Variants in REXO1 observed in about 807,000 individuals in gnomAD.
The protein encoded by REXO1 is RNA exonuclease 1 homolog, also known as REX1, RNA exonuclease 1 homolog.
A neutral mutation model predicts 102.6 loss-of-function variants in REXO1; 42 were observed. The observed-to-expected ratio is 0.41, with a 90% CI of 0.32 to 0.53. REXO1 has a LOEUF of 0.53. Ranked by LOEUF, REXO1 falls within the 20% of genes least tolerant of loss-of-function variation. The pLI, the probability that REXO1 is intolerant of heterozygous loss-of-function variation, is 0.27. For synonymous variants in REXO1, 908 were observed against 779.1 expected (o/e 1.17, Z -2.76); for missense variants, 1,819 against 1,732.5 (o/e 1.05, Z -0.89).
At chr19:1,828,967 C>G (rs1599149117) in intron 1 of REXO1, among the ~76,000 whole-genome samples, 1 of 152,360 alleles carries the variant, frequency 6.6e-6, no homozygotes, top group East Asian at 1.9e-4. Flanking sequence ...GGCTGGAACT[C>G]CCCGGGGCAG....
rs1420058673 is a variant in REXO1, at chr19:1,827,735, G to A, written c.1054C>T (p.Pro352Ser). The A allele has an allele frequency of 2.5e-6, 4 of 1,570,246 alleles. No homozygotes were observed. The highest frequency in any genetic ancestry group is 1.9e-5 in the Admixed American group (1 of 51,388). ...VQCDVGDLQP[P>S]PAKPASPAQV... The stretch of plus-strand genomic sequence containing the variant: ...GCTGGGGAGGCGGGCTTGGCTGGGG[G>A]CGGCTGGAGGTCCCCCACGTCGCAC... Residue 352 changes from proline to serine, a missense_variant, in exon 2 of 16, where the codon CCC becomes TCC. Pro to Ser is a moderately conservative substitution (Grantham distance 74, BLOSUM62 -1). Coordinates refer to ENST00000170168, the MANE Select transcript of REXO1 (RefSeq NM_020695.4).
At position 1,819,035 on chromosome 19, in the gene REXO1, C is replaced by A. The variant is rs142515155; in HGVS notation, c.2747G>T (p.Arg916Leu). 2 of 1,601,418 alleles carry A rather than the reference C, an allele frequency of 1.2e-6. No individual in the cohort carries two copies. Among genetic ancestry groups the A allele is most frequent in the Non-Finnish European group, 1.7e-6 (2 of 1,173,332 alleles). Residue 916 changes from arginine (R) to leucine (L), a missense_variant, in exon 8 of 16, where the codon CGG (arginine) becomes CTG (leucine). Coordinates refer to ENST00000170168, the MANE Select transcript of REXO1 (RefSeq NM_020695.4). ...GGCCTTACCTTTCAGGTCCTCCACC[C>A]GGGGGCTGCTTGGACGGCTGAGCGA... ...SFSLSRPSSP[R>L]VEDLKGAALY...
At position 1,827,337 on chromosome 19, in the gene REXO1, G is replaced by A. The variant is rs373245469; in HGVS notation, c.1452C>T (p.Ser484=). The change falls in exon 2 of 16, where the codon AGC becomes AGT. Residue 484 remains serine, a synonymous_variant. Transcript: ENST00000170168. The part of the protein sequence containing the change: ...PRPLQLPDRK[S]TKAPSGKLVE... ...CTAGCTTCCCCGACGGGGCCTTGGT[G>A]CTCTTCCTGTCGGGCAGCTGGAGGG... is the stretch of plus-strand genomic sequence containing the variant. The A allele has an allele frequency of 1.0e-3, 1,632 of 1,554,584 alleles. 2 individuals are homozygous for A. Among genetic ancestry groups the A allele is most frequent in the Non-Finnish European group, 1.3e-3 (1,551 of 1,154,604 alleles).
rs752059580 is a variant in REXO1 at position 1,825,872 on chromosome 19, C to T, written c.1983G>A (p.Arg661=). The T allele has an allele frequency of 5.0e-6, 8 of 1,613,730 alleles. No homozygotes were observed. The African/African-American group carries it at 6.7e-5, about 13-fold the overall frequency. ...CTTGCTTGGAAAGGTGGGAGATCCTCCTCTTCTGCCCGGGGAACAGAGTGG... is the reference window on the plus strand; with the variant it reads ...CTTGCTTGGAAAGGTGGGAGATCCTTCTCTTCTGCCCGGGGAACAGAGTGG... ...GLTTLFPGQK[R]RISHLSKQGQ... The change falls in exon 3 of 16, where the codon AGG becomes AGA. Residue 661 remains arginine (R), a synonymous_variant. Transcript: ENST00000170168.
intron 5 of REXO1, 116 bp downstream of exon 5, chr19:1,821,403 T>G (rs565083731): frequency 1.7e-6 from 2 of 1,181,696 alleles, no homozygotes; most frequent in East Asian, 2.4e-5. Flanking sequence ...TACTGCGGTG[T>G]GGAGCACGAA....
intron 7 of REXO1, among the ~76,000 whole-genome samples, chr19:1,819,691 G>A (rs1420345436): frequency 1.3e-5 from 2 of 152,200 alleles, no homozygotes; most frequent in Admixed American, 6.5e-5. Context: ...GCGGCCCCTC[G>A]GCTCGGCTTG....
At chr19:1,831,619 G>A (rs972709216) in intron 1 of REXO1, among the ~76,000 whole-genome samples, 9 of 151,724 alleles carry the variant, frequency 5.9e-5, no homozygotes, top group African/African-American at 1.7e-4. Context: ...GAGGCGGGCG[G>A]ATCACCTGAG....
chr19:1,843,355 C>T (rs576677940), intron 1 of REXO1, among the ~76,000 whole-genome samples: 3 of 152,278 alleles, frequency 2.0e-5, no homozygotes, highest in East Asian at 3.9e-4. Flanking sequence ...GGCCCAGAGC[C>T]GCAGCTGGAC....
At chr19:1,818,981 C>G in intron 8 of REXO1, 37 bp downstream of exon 8, 1 of 1,577,202 alleles carries the variant, frequency 6.3e-7, no homozygotes, top group Non-Finnish European at 8.6e-7. Context: ...CAGAGGCCCA[C>G]GAAGCACCGT....
At chr19:1,845,821 C>T (rs868734213) in intron 1 of REXO1, among the ~76,000 whole-genome samples, 3 of 152,194 alleles carry the variant, frequency 2.0e-5, no homozygotes, top group Middle Eastern at 3.2e-3. Context: ...GTTCCCGTCG[C>T]AGCTCCGCCA....
At chr19:1,821,400 G>A (rs2069535175) in intron 5 of REXO1, 119 bp downstream of exon 5, 4 of 1,166,518 alleles carry the variant, frequency 3.4e-6, no homozygotes, top group African/African-American at 1.6e-5. Flanking sequence ...CTGTACTGCG[G>A]TGTGGAGCAC....
At chr19:1,820,133 G>A in intron 6 of REXO1, 76 bp from the exon 7 acceptor site, 1 of 1,568,092 alleles carries the variant, frequency 6.4e-7, no homozygotes, top group South Asian at 1.2e-5. Context: ...GTCGCCATGG[G>A]GTCGGGGACT....
chr19:1,827,322 C>G lies in REXO1; in HGVS notation c.1467G>C (p.Ser489=), dbSNP rs61746700. 56 of 1,558,532 alleles carry G rather than the reference C, an allele frequency of 3.6e-5. No homozygotes were observed. The highest frequency in any genetic ancestry group is 4.3e-5 in the Non-Finnish European group (50 of 1,156,978). Residue 489 remains serine (S), a synonymous_variant, in exon 2 of 16, where the codon TCG becomes TCC. Transcript: ENST00000170168. ...LPDRKSTKAP[S]GKLVERKARS... is the part of the protein sequence containing the mutation. ...GGGCTTTCCGCTCCACTAGCTTCCC[C>G]GACGGGGCCTTGGTGCTCTTCCTGT...
intron 1 of REXO1, among the ~76,000 whole-genome samples, chr19:1,830,250 G>C (rs952755493): frequency 6.6e-6 from 1 of 152,156 alleles, no homozygotes; most frequent in African/African-American, 2.4e-5. Flanking sequence ...GGCTCACGCC[G>C]ATCATCTCAG....
Position 1,823,717 on chromosome 19 carries a change from G to C in REXO1, c.2085C>G (p.Tyr695Ter). ...ARPPTAQEVC[Y>*]LRAQQAQRAS... ...CCCTCTGCGCCTGCTGGGCCCGCAG[G>C]TAGCACACCTCCTGCGCCGTCGGGG... Residue 695 changes from tyrosine (Y) to a stop codon, truncating the protein, a stop_gained, in exon 4 of 16, where the codon TAC (tyrosine) becomes TAG (stop). Coordinates refer to ENST00000170168, the MANE Select transcript of REXO1 (RefSeq NM_020695.4). LOFTEE classifies it high-confidence loss of function. 1 of 1,273,460 alleles carries C rather than the reference G, an allele frequency of 7.9e-7. No individual in the cohort carries two copies. 78.9% of individuals were successfully genotyped at this position (1,273,460 alleles called of 1,614,324 possible). A position where few individuals can be genotyped will look rare whatever the true frequency, so the allele number is the denominator to read the frequency against.
At chr19:1,822,189 G>A (rs945286432) in intron 4 of REXO1, 82 of 297,918 alleles carry the variant, frequency 2.8e-4, no homozygotes, top group African/African-American at 1.4e-3. Flanking sequence ...CGTCTGTGTG[G>A]CAGGGGGGCT....
At chr19:1,833,153 A>T (rs913174749) in intron 1 of REXO1, among the ~76,000 whole-genome samples, 5 of 152,300 alleles carry the variant, frequency 3.3e-5, no homozygotes, top group African/African-American at 1.2e-4. Flanking sequence ...TGAGCCTAAG[A>T]GGTCAAGGCT....
intron 4 of REXO1, chr19:1,821,933 C>T (rs890970609): frequency 5.3e-6 from 3 of 563,432 alleles, no homozygotes; most frequent in South Asian, 2.3e-5. Flanking sequence ...TGGGGTGGTC[C>T]AGGCCTCTGC....
At chr19:1,821,426 A>AG (rs2069536729) in intron 5 of REXO1, 93 bp downstream of exon 5, 1 of 1,463,792 alleles carries the variant, frequency 6.8e-7, no homozygotes, top group Non-Finnish European at 9.5e-7. Flanking sequence ...CCCGCAGGGC[A>AG]GGGGCGAGGC....
Sources: gnomAD v4.1 joint callset for allele counts (sites outside exome capture counted in the v4.1 genomes callset) on GRCh38, gnomAD v4.1.1 for gene constraint, MANE v1.5 for transcripts, NCBI Gene and HGNC (gene_info 2026-07-23, HGNC 2026-07-21) for gene names.